The following TENM1 variants were observed in gnomAD, a reference collection of about 807,000 sequenced individuals.
The protein encoded by TENM1 is teneurin-1.
TENM1 carries 35 observed loss-of-function variants against 174.8 expected under a neutral mutation model. The ratio of observed to expected loss-of-function variants is 0.20; its 90% CI spans 0.15 to 0.27. TENM1 has a LOEUF of 0.27. TENM1 is among the 10% of genes least tolerant of loss of function. The pLI, the probability that TENM1 is intolerant of heterozygous loss-of-function variation, is 1.00. For missense variants in TENM1, 1,633 were observed against 2,130.1 expected, an observed-to-expected ratio of 0.77 and a Z score of 4.59; for synonymous variants, 781 against 798.7, an observed-to-expected ratio of 0.98 and a Z score of 0.37.
At chrX:124,488,519 G>A (rs367689816) in intron 20 of TENM1, among the ~76,000 whole-genome samples, 108 of 112,264 alleles carry the variant, frequency 9.6e-4, no homozygotes, top group African/African-American at 3.2e-3. Flanking sequence ...AAAAGGGTAG[G>A]TATCCTGTGG....
intron 3 of TENM1, among the ~76,000 whole-genome samples, chrX:124,867,935 A>T (rs944284771): frequency 8.9e-6 from 1 of 111,754 alleles, no homozygotes; most frequent in South Asian, 3.7e-4. Context: ...GAAGTGAAAG[A>T]TCTCTATAAT....
At chrX:124,987,601 T>C in the TENM1 span, among the ~76,000 whole-genome samples, 1 of 109,976 alleles carries the variant, frequency 9.1e-6, no homozygotes, top group Non-Finnish European at 1.9e-5. Flanking sequence ...AAGGACCAAA[T>C]AGAAACACAC....
chrX:124,764,926 C>T (rs187438476), intron 3 of TENM1, among the ~76,000 whole-genome samples: 1 of 110,933 alleles, frequency 9.0e-6, no homozygotes, highest in East Asian at 2.8e-4. Context: ...TACTTGACTT[C>T]CCACCTTGAA....
intron 4 of TENM1, among the ~76,000 whole-genome samples, chrX:124,727,253 A>C (rs58194123): frequency 0.14 from 15,940 of 111,856 alleles, 1,294 homozygotes; most frequent in African/African-American, 0.31. Context: ...TAGTGTTGAT[A>C]ATCACAGCAA....
chrX:124,630,950 C>T (rs775500875), intron 11 of TENM1, among the ~76,000 whole-genome samples: 8 of 112,053 alleles, frequency 7.1e-5, no homozygotes, highest in Non-Finnish European at 1.5e-4. Context: ...TTAAAGTTTA[C>T]GCTGATTTGT....
At chrX:124,456,419 C>G (rs1254645427) in intron 22 of TENM1, among the ~76,000 whole-genome samples, 1 of 111,753 alleles carries the variant, frequency 8.9e-6, no homozygotes, top group Non-Finnish European at 1.9e-5. Flanking sequence ...ATTTGCCTTC[C>G]CTTACCAACC....
At chrX:124,600,499 A>C (rs760800278) in intron 11 of TENM1, among the ~76,000 whole-genome samples, 4 of 111,744 alleles carry the variant, frequency 3.6e-5, no homozygotes, top group Admixed American at 9.6e-5. Flanking sequence ...CTCACAAAAC[A>C]CTTCTTAATT....
chrX:124,471,907 C>G (rs773477462), intron 22 of TENM1, among the ~76,000 whole-genome samples: 1 of 105,612 alleles, frequency 9.5e-6, no homozygotes, highest in African/African-American at 3.5e-5. Context: ...TTCCTTATAC[C>G]TGCAGGGGCG....
chrX:124,503,674 G>C (rs2047381527), exon 19 of TENM1: 2 of 1,199,565 alleles, frequency 1.7e-6, no homozygotes, highest in African/African-American at 1.8e-5. Flanking sequence ...ATAAAGTCAG[G>C]GCACGTTTCA....
intron 3 of TENM1, among the ~76,000 whole-genome samples, chrX:124,859,538 T>G (rs1302403945): frequency 1.0e-5 from 1 of 99,864 alleles, no homozygotes; most frequent in Non-Finnish European, 2.0e-5. Context: ...GGTGAGACCC[T>G]GTCTCAAAAA....
intron 3 of TENM1, among the ~76,000 whole-genome samples, chrX:124,802,726 T>A (rs1248500892): frequency 2.7e-5 from 3 of 112,003 alleles, no homozygotes; most frequent in Non-Finnish European, 5.6e-5. Context: ...TTGCTGCTGG[T>A]TTTAGTTGGC....
chrX:125,170,256 A>G, the TENM1 span, among the ~76,000 whole-genome samples: 1 of 111,292 alleles, frequency 9.0e-6, no homozygotes, highest in Non-Finnish European at 1.9e-5. Context: ...AGTAGACACA[A>G]AGAAAGAGGA....
At chrX:124,707,732 A>C (rs981546326) in intron 4 of TENM1, among the ~76,000 whole-genome samples, 6 of 112,276 alleles carry the variant, frequency 5.3e-5, no homozygotes, top group Non-Finnish European at 7.5e-5. Flanking sequence ...AAACCCCAAA[A>C]GGTAGCAGCT....
chrX:124,978,914 G>A, the TENM1 span, among the ~76,000 whole-genome samples: 2 of 112,143 alleles, frequency 1.8e-5, no homozygotes, highest in Admixed American at 9.5e-5. Flanking sequence ...CATAAGCTCA[G>A]CCTCAGTCAG....
intron 5 of TENM1, among the ~76,000 whole-genome samples, chrX:124,686,896 A>C (rs1391802547): frequency 8.9e-6 from 1 of 111,855 alleles, no homozygotes; most frequent in Middle Eastern, 4.6e-3. Flanking sequence ...CTCCTATTCA[A>C]CACAGTATTG....
intron 22 of TENM1, among the ~76,000 whole-genome samples, chrX:124,471,958 G>T (rs1036245461): frequency 9.4e-6 from 1 of 106,805 alleles, no homozygotes; most frequent in Non-Finnish European, 1.9e-5. Flanking sequence ...GTTGGTTCTG[G>T]GTATAGAGAG....
the TENM1 span, among the ~76,000 whole-genome samples, chrX:125,153,486 A>G: frequency 8.9e-6 from 1 of 112,372 alleles, no homozygotes; most frequent in Non-Finnish European, 1.9e-5. Flanking sequence ...AAAGTTAATA[A>G]TCAGCACAAC....
intron 5 of TENM1, among the ~76,000 whole-genome samples, chrX:124,699,177 T>C (rs897513716): frequency 3.6e-5 from 4 of 111,752 alleles, no homozygotes; most frequent in African/African-American, 1.3e-4. Context: ...TTCTTCTTTA[T>C]GAAATAGAAT....
intron 3 of TENM1, among the ~76,000 whole-genome samples, chrX:124,847,775 T>C (rs1194765387): frequency 8.9e-6 from 1 of 111,853 alleles, no homozygotes. Context: ...ATGGTTAGGA[T>C]TGAGCCTTAA....
Sources: gnomAD v4.1 joint callset for allele counts (sites outside exome capture counted in the v4.1 genomes callset) on GRCh38, gnomAD v4.1.1 for gene constraint, MANE v1.5 for transcripts, NCBI Gene and HGNC (gene_info 2026-07-23, HGNC 2026-07-21) for gene names.